Variants in NFS1 observed in about 807,000 individuals in gnomAD.
The protein encoded by NFS1 is NFS1 cysteine desulfurase.
In NFS1, 26 loss-of-function variants were observed where a neutral mutation model predicts 57.3. The ratio of observed to expected loss-of-function variants is 0.45; its 90% CI spans 0.33 to 0.63. The LOEUF (loss-of-function observed/expected upper bound fraction) is 0.63, where lower values mean the gene tolerates loss of function less well. NFS1 is among the 20% of genes least tolerant of loss of function. The probability of loss-of-function intolerance (pLI) is 0.02; values close to 1 mark genes in which losing one functional copy is unlikely to be tolerated. For synonymous variants in NFS1, 209 were observed against 216.3 expected, an observed-to-expected ratio of 0.97 and a Z score of 0.30; for missense variants, 505 against 605.8, an observed-to-expected ratio of 0.83 and a Z score of 1.75.
In NFS1 at chr20:35,697,686, G is replaced by T; in HGVS notation, c.322C>A (p.Gln108Lys). 3 of 1,610,376 alleles carry T rather than the reference G, an allele frequency of 1.9e-6. No individual in the cohort carries two copies. The highest frequency in any genetic ancestry group is 2.5e-6 in the Non-Finnish European group (3 of 1,177,602). Residue 108 changes from glutamine to lysine, a missense_variant and splice_region_variant, in exon 3 of 13, where the codon CAG (glutamine) becomes AAG (lysine). By Grantham distance (53) the Gln-to-Lys change is moderately conservative. Coordinates refer to ENST00000374092, the MANE Select transcript of NFS1 (RefSeq NM_021100.5). ...ESEAAMERARQQVASLIGADP... is the reference protein window; with the variant it reads ...ESEAAMERARKQVASLIGADP... ...CTCCTAGACTCCTGTGTACTAACCT[G>T]ACGAGCACGTTCCATGGCTGCCTCA... is the stretch of plus-strand genomic sequence containing the variant.
intron 7 of NFS1, among the ~76,000 whole-genome samples, chr20:35,679,134 GTTTT>G (rs2034805775): frequency 6.6e-6 from 1 of 152,072 alleles, no homozygotes; most frequent in Non-Finnish European, 1.5e-5. Context: ...GAGTTCATTG[GTTTT>G]TTGTTTTTAA....
chr20:35,679,272 C>T (rs1012696531), intron 7 of NFS1, among the ~76,000 whole-genome samples: 3 of 151,412 alleles, frequency 2.0e-5, no homozygotes, highest in Non-Finnish European at 4.4e-5. Context: ...CAACCTCTGG[C>T]TCCTGGGTTC....
chr20:35,684,535 G>T, intron 5 of NFS1, among the ~76,000 whole-genome samples: 1 of 151,800 alleles, frequency 6.6e-6, no homozygotes, highest in East Asian at 1.9e-4. Flanking sequence ...TGGATCATTT[G>T]AGGTCAGGAG....
At chr20:35,687,023 A>T (rs2146428957) in intron 5 of NFS1, among the ~76,000 whole-genome samples, 1 of 152,346 alleles carries the variant, frequency 6.6e-6, no homozygotes, top group African/African-American at 2.4e-5. Context: ...GGACAGGGCC[A>T]CCAGAGGGCT....
intron 5 of NFS1, among the ~76,000 whole-genome samples, chr20:35,689,555 T>G (rs1057288566): frequency 6.6e-6 from 1 of 151,556 alleles, no homozygotes; most frequent in Non-Finnish European, 1.5e-5. Flanking sequence ...GATCACGAGG[T>G]CAGGAGATAG....
chr20:35,690,496 A>G lies in NFS1; in HGVS notation c.478T>C (p.Leu160=). 6.2e-7 allele frequency: 1 copy of G among 1,614,088 alleles called. No homozygotes were observed. The highest frequency in any genetic ancestry group is 1.3e-5 in the African/African-American group (1 of 75,022). Residue 160 remains leucine, a synonymous_variant, in exon 5 of 13, where the codon TTG becomes CTG. Transcript: ENST00000374092. ...ITTQTEHKCV[L]DSCRSLEAEG... is the part of the protein sequence containing the mutation. Reference sequence around the variant, plus strand: ...GCTTCCAGTGAACGGCAGGAGTCCAAGACACATTTGTGTTCTGTCTGGGTG... The same window carrying G: ...GCTTCCAGTGAACGGCAGGAGTCCAGGACACATTTGTGTTCTGTCTGGGTG...
intron 7 of NFS1, among the ~76,000 whole-genome samples, chr20:35,678,776 T>C (rs2034800305): frequency 6.6e-6 from 1 of 152,082 alleles, no homozygotes; most frequent in Non-Finnish European, 1.5e-5. Context: ...GGAGGGTTGC[T>C]TGAGCCCAGG....
At chr20:35,691,124 T>TA (rs2035032982) in intron 4 of NFS1, among the ~76,000 whole-genome samples, 1 of 152,028 alleles carries the variant, frequency 6.6e-6, no homozygotes, top group African/African-American at 2.4e-5. Flanking sequence ...AAAACTGCTA[T>TA]AAAAAATAAA....
chr20:35,669,588 G>A lies in NFS1; in HGVS notation c.*34C>T. 6.2e-7 allele frequency: 1 copy of A among 1,606,194 alleles called. No homozygotes were observed. The highest frequency in any genetic ancestry group is 8.5e-7 in the Non-Finnish European group (1 of 1,172,878). On this transcript the variant is annotated 3_prime_UTR_variant, in exon 13 of 13. Transcript: ENST00000374092. ...GTGCACGGGTTGGTGAGGCAGGAGG[G>A]GCCAGACCAGCACAAAGTCAGGGCC...
chr20:35,686,492 T>C (rs1760042385), intron 5 of NFS1, among the ~76,000 whole-genome samples: 1 of 152,182 alleles, frequency 6.6e-6, no homozygotes. Flanking sequence ...ATTGTATAAT[T>C]TCAAAAGATG....
In NFS1 at chr20:35,680,808, AT is replaced by A; in HGVS notation, c.718del (p.Ile240SerfsTer8). ...TTTCATGTCATTGACATCAAGTGGG[AT>A]TTTTCCAACAGCCTGGGCTGCATCA... ...HTDAAQAVGK[I>X]PLDVNDMKID... On this transcript the variant is annotated frameshift_variant, in exon 7 of 13. Coordinates refer to ENST00000374092, the MANE Select transcript of NFS1 (RefSeq NM_021100.5). LOFTEE classifies it high-confidence loss of function. 2 of 1,582,650 alleles carry A rather than the reference AT, an allele frequency of 1.3e-6. No individual in the cohort carries two copies. Among genetic ancestry groups the A allele is most frequent in the South Asian group, 1.2e-5 (1 of 84,352 alleles).
intron 4 of NFS1, 22 bp downstream of exon 4, chr20:35,696,352 ACAC>A: frequency 1.3e-6 from 2 of 1,540,912 alleles, no homozygotes; most frequent in Non-Finnish European, 1.8e-6. Flanking sequence ...AAGCCCACAT[ACAC>A]CCTCTGGTTC....
At chr20:35,694,748 G>C (rs2035102111) in intron 4 of NFS1, 1 of 152,164 alleles carries the variant, frequency 6.6e-6, no homozygotes, top group East Asian at 1.9e-4. Context: ...AATTAGCCGG[G>C]TGTGGTGGAG....
At chr20:35,695,251 C>T (rs1473388101) in intron 4 of NFS1, among the ~76,000 whole-genome samples, 2 of 152,218 alleles carry the variant, frequency 1.3e-5, no homozygotes, top group Admixed American at 6.5e-5. Context: ...AGGAAGGATG[C>T]CTTCCTGTTA....
At chr20:35,671,484 T>C (rs1366992364) in intron 12 of NFS1, among the ~76,000 whole-genome samples, 7 of 152,186 alleles carry the variant, frequency 4.6e-5, no homozygotes, top group Non-Finnish European at 5.9e-5. Context: ...AGCAGGAGGA[T>C]AACTTGAGCC....
chr20:35,687,083 C>G (rs2034957170), intron 5 of NFS1, among the ~76,000 whole-genome samples: 1 of 152,180 alleles, frequency 6.6e-6, no homozygotes, highest in African/African-American at 2.4e-5. Flanking sequence ...CTTTGCCAAG[C>G]AGACCATGGT....
chr20:35,697,139 A>G (rs970460642), intron 3 of NFS1, among the ~76,000 whole-genome samples: 1 of 151,536 alleles, frequency 6.6e-6, no homozygotes, highest in African/African-American at 2.4e-5. Flanking sequence ...AAATAAAAAT[A>G]CAAAAATATT....
At chr20:35,683,028 A>G (rs2034876723) in intron 5 of NFS1, among the ~76,000 whole-genome samples, 1 of 151,986 alleles carries the variant, frequency 6.6e-6, no homozygotes, top group Non-Finnish European at 1.5e-5. Context: ...CAGTGAGCGG[A>G]GATCACACCA....
chr20:35,675,190 A>G lies in NFS1; in HGVS notation c.803T>C (p.Ile268Thr), dbSNP rs1158684778. 2.5e-6 allele frequency: 4 copies of G among 1,611,632 alleles called. No individual in the cohort carries two copies. Among genetic ancestry groups the G allele is most frequent in the East Asian group, 2.2e-5 (1 of 44,816 alleles). ...CACACGGGGCCGGCGACGGATGTAGATGGCACCAACCCCTGGGAAACAAAA... is the reference window on the plus strand; with the variant it reads ...CACACGGGGCCGGCGACGGATGTAGGTGGCACCAACCCCTGGGAAACAAAA... ...KIYGPKGVGA[I>T]YIRRRPRVRV... is the part of the protein sequence containing the mutation. The change falls in exon 8 of 13, where the codon ATC becomes ACC. Residue 268 changes from isoleucine (I) to threonine (T), a missense_variant. Ile to Thr is a moderately conservative substitution (Grantham distance 89). Coordinates refer to ENST00000374092, the MANE Select transcript of NFS1 (RefSeq NM_021100.5).
Sources: allele counts gnomAD v4.1 joint callset (sites outside exome capture counted in the v4.1 genomes callset), GRCh38; gene constraint gnomAD v4.1.1; transcripts MANE v1.5; gene names NCBI Gene and HGNC (gene_info 2026-07-23, HGNC 2026-07-21).